The following PDE10A variants were observed in gnomAD, a reference collection of about 807,000 sequenced individuals.
PDE10A encodes cAMP and cAMP-inhibited cGMP 3',5'-cyclic phosphodiesterase 10A.
PDE10A carries 39 observed loss-of-function variants against 97.7 expected under a neutral mutation model. That is an observed-to-expected ratio of 0.40 (90% CI 0.31 to 0.52). The LOEUF (loss-of-function observed/expected upper bound fraction) is 0.52. Ranked by LOEUF, PDE10A falls within the 20% of genes least tolerant of loss-of-function variation. The probability of loss-of-function intolerance (pLI) is 0.56; values close to 1 mark genes in which losing one functional copy is unlikely to be tolerated. For synonymous variants in PDE10A, 371 were observed against 376.8 expected (o/e 0.98, Z 0.18); for missense variants, 731 against 1,047.8 (o/e 0.70, Z 4.17).
chr6:165,544,053 G>A (rs73039573), intron 1 of PDE10A, among the ~76,000 whole-genome samples: 6,003 of 152,004 alleles, frequency 0.039, 180 homozygotes, highest in Middle Eastern at 0.075. Flanking sequence ...TTATTTTTTC[G>A]GTATATAGTT....
chr6:165,783,083 G>A (rs1778389069), intron 1 of PDE10A, among the ~76,000 whole-genome samples: 1 of 140,302 alleles, frequency 7.1e-6, no homozygotes, highest in Non-Finnish European at 1.5e-5. Flanking sequence ...GGTCTGTGAA[G>A]GCAGTAACAT....
intron 1 of PDE10A, among the ~76,000 whole-genome samples, chr6:165,875,746 T>TTTTTTG (rs780504850): frequency 0.022 from 3,256 of 147,038 alleles, 50 homozygotes; most frequent in African/African-American, 0.036. Flanking sequence ...TTTTTTTTTT[T>TTTTTTG]TGTGTGTGTG....
At chr6:165,706,576 G>C (rs1040861494) in intron 1 of PDE10A, among the ~76,000 whole-genome samples, 6 of 152,142 alleles carry the variant, frequency 3.9e-5, no homozygotes, top group Non-Finnish European at 7.4e-5. Flanking sequence ...TGACACCCCA[G>C]GGCTTCAGTG....
At chr6:165,536,805 A>C (rs1435821257) in intron 2 of PDE10A, among the ~76,000 whole-genome samples, 1 of 151,928 alleles carries the variant, frequency 6.6e-6, no homozygotes, top group Non-Finnish European at 1.5e-5. Context: ...AGAAAACAAC[A>C]AATGCTGGCG....
chr6:165,459,379 T>C (rs938957394), intron 3 of PDE10A, among the ~76,000 whole-genome samples: 1 of 152,170 alleles, frequency 6.6e-6, no homozygotes, highest in African/African-American at 2.4e-5. Flanking sequence ...TGCCAGCCCT[T>C]GAATCAGCCA....
intron 1 of PDE10A, among the ~76,000 whole-genome samples, chr6:165,669,711 A>G (rs1463648160): frequency 2.0e-5 from 3 of 152,068 alleles, no homozygotes; most frequent in African/African-American, 4.8e-5. Context: ...AGAGATTTCC[A>G]CTGGAAATTT....
chr6:165,888,357 C>T (rs1164581125), intron 1 of PDE10A, among the ~76,000 whole-genome samples: 3 of 151,912 alleles, frequency 2.0e-5, no homozygotes, highest in Non-Finnish European at 4.4e-5. Flanking sequence ...GTGATCTCAG[C>T]TCACTGCAAT....
At chr6:165,625,811 C>A (rs1003586861) in intron 1 of PDE10A, among the ~76,000 whole-genome samples, 2 of 152,176 alleles carry the variant, frequency 1.3e-5, no homozygotes, top group Non-Finnish European at 2.9e-5. Context: ...ACCTCTTTTT[C>A]TTTATAAATT....
At chr6:165,691,106 T>TCCCCCCC (rs35264122) in intron 1 of PDE10A, among the ~76,000 whole-genome samples, 1 of 39,092 alleles carries the variant, frequency 2.6e-5, no homozygotes, top group Non-Finnish European at 4.5e-5. Context: ...TCTTTCTCTC[T>TCCCCCCC]CCCCCCCCCC....
chr6:165,931,500 TA>T (rs1291617709), intron 1 of PDE10A, among the ~76,000 whole-genome samples: 2 of 152,260 alleles, frequency 1.3e-5, no homozygotes, highest in Non-Finnish European at 2.9e-5. Flanking sequence ...GAGGCAGAAC[TA>T]ATTCTGTGGT....
intron 1 of PDE10A, among the ~76,000 whole-genome samples, chr6:165,881,395 T>C (rs1288051408): frequency 1.2e-4 from 1 of 8,318 alleles, no homozygotes; most frequent in African/African-American, 4.2e-4. Context: ...TTCTTTTCTT[T>C]TTTTTTTTTT....
chr6:165,767,781 G>A (rs766770444), intron 1 of PDE10A, among the ~76,000 whole-genome samples: 5 of 152,116 alleles, frequency 3.3e-5, no homozygotes, highest in Non-Finnish European at 7.4e-5. Context: ...GTATCTTCTG[G>A]ATATAGCTCG....
chr6:165,461,468 C>A (rs1463832491), intron 3 of PDE10A, among the ~76,000 whole-genome samples: 1 of 152,152 alleles, frequency 6.6e-6, no homozygotes, highest in African/African-American at 2.4e-5. Context: ...GCTCAAAAAG[C>A]AGAGCTTGTA....
intron 1 of PDE10A, among the ~76,000 whole-genome samples, chr6:165,883,078 A>T (rs1275133016): frequency 6.6e-6 from 1 of 152,126 alleles, no homozygotes; most frequent in Non-Finnish European, 1.5e-5. Context: ...TCTACTAAAA[A>T]TACAAAAATT....
chr6:165,696,114 G>A (rs1318111084), intron 1 of PDE10A, among the ~76,000 whole-genome samples: 4 of 152,132 alleles, frequency 2.6e-5, no homozygotes, highest in Admixed American at 2.0e-4. Context: ...TGGGGAGGGG[G>A]AAGGAAGATG....
intron 2 of PDE10A, among the ~76,000 whole-genome samples, chr6:165,489,141 C>T (rs1780084740): frequency 6.6e-6 from 1 of 152,140 alleles, no homozygotes; most frequent in African/African-American, 2.4e-5. Flanking sequence ...GGACAACCAA[C>T]ACAAAACCAG....
In PDE10A at chr6:165,461,564, T is replaced by C. The variant is rs572891071; in HGVS notation, c.1024-11202A>G. Among the ~76,000 whole-genome samples, 15 of 152,352 alleles carry C rather than the reference T, an allele frequency of 9.8e-5. No homozygotes were observed. The South Asian group carries it at 2.3e-3, about 23-fold the overall frequency. ...TACATGGTTCATTCCGCACAGTTAA[T>C]TGAAAATGCTCAGTTACGATTTCAT... On this transcript the variant is annotated intron_variant, in intron 3 of 21. Transcript: ENST00000539869.
intron 1 of PDE10A, among the ~76,000 whole-genome samples, chr6:165,970,588 A>C (rs1562334687): frequency 1.3e-5 from 2 of 152,242 alleles, no homozygotes; most frequent in Non-Finnish European, 2.9e-5. Context: ...AAATGACTCC[A>C]TTTATAAGTT....
chr6:165,862,644 A>G (rs960685856), intron 1 of PDE10A, among the ~76,000 whole-genome samples: 2 of 151,540 alleles, frequency 1.3e-5, no homozygotes, highest in African/African-American at 2.4e-5. Context: ...GTCAAAGAAC[A>G]CTGAGTTAGA....
Sources: gnomAD v4.1 joint callset for allele counts (sites outside exome capture counted in the v4.1 genomes callset) on GRCh38, gnomAD v4.1.1 for gene constraint, MANE v1.5 for transcripts, NCBI Gene and HGNC (gene_info 2026-07-23, HGNC 2026-07-21) for gene names.